Variants in EYA3 observed in about 807,000 individuals in gnomAD.
EYA3 encodes protein phosphatase EYA3.
Under a neutral mutation model 80.0 loss-of-function variants are expected in EYA3, and 39 were observed. That is an observed-to-expected ratio of 0.49 (90% CI 0.38 to 0.64). The LOEUF (loss-of-function observed/expected upper bound fraction) is 0.64. Ranked by LOEUF, EYA3 falls within the 30% of genes least tolerant of loss-of-function variation. EYA3 has a pLI of 0.00. For synonymous variants in EYA3, 206 were observed against 232.8 expected, an observed-to-expected ratio of 0.88 and a Z score of 1.05; for missense variants, 523 against 676.1, an observed-to-expected ratio of 0.77 and a Z score of 2.51.
chr1:28,067,971 A>G (rs955967335), intron 1 of EYA3, among the ~76,000 whole-genome samples: 6 of 152,204 alleles, frequency 3.9e-5, no homozygotes, highest in African/African-American at 1.4e-4. Flanking sequence ...CAGCAGAAAC[A>G]GTGGTGGAAT....
chr1:28,061,551 T>C (rs1644624861), intron 1 of EYA3, among the ~76,000 whole-genome samples: 1 of 152,052 alleles, frequency 6.6e-6, no homozygotes, highest in Non-Finnish European at 1.5e-5. Flanking sequence ...TGTAAAAATC[T>C]TAGTATTAGT....
chr1:28,024,517 C>T (rs1232612913), intron 7 of EYA3, among the ~76,000 whole-genome samples: 10 of 151,836 alleles, frequency 6.6e-5, no homozygotes, highest in East Asian at 1.9e-4. Context: ...ATTAGCTGGG[C>T]GTGGTGGTGG....
chr1:28,016,532 T>TAAA (rs11318124), intron 8 of EYA3, among the ~76,000 whole-genome samples: 16 of 113,922 alleles, frequency 1.4e-4, no homozygotes, highest in African/African-American at 5.5e-4. Context: ...GACTCCATCT[T>TAAA]AAAAAAAAAA....
At chr1:27,993,907 A>T (rs1557538761) in intron 13 of EYA3, among the ~76,000 whole-genome samples, 1 of 152,238 alleles carries the variant, frequency 6.6e-6, no homozygotes, top group African/African-American at 2.4e-5. Flanking sequence ...GTACACTTAC[A>T]CACACAGTGA....
At chr1:27,991,221 G>A (rs1389187159) in intron 14 of EYA3, among the ~76,000 whole-genome samples, 1 of 152,026 alleles carries the variant, frequency 6.6e-6, no homozygotes, top group Non-Finnish European at 1.5e-5. Flanking sequence ...TGAAAAAAAG[G>A]GCCCTAAGAT....
rs1290041269 is a variant in EYA3, at chr1:27,985,256, AAAAAAC to A, written c.1540+3273_1540+3278del. Among the ~76,000 whole-genome samples, 366 of 131,204 alleles carry A rather than the reference AAAAAAC, an allele frequency of 2.8e-3. 2 individuals carry two copies. The highest frequency in any genetic ancestry group is 8.4e-3 in the African/African-American group (332 of 39,434). The allele number at this position is 131,204 out of a possible 152,430, so 86.1% of individuals were successfully genotyped here. A position where few individuals can be genotyped will look rare whatever the true frequency, so the allele number is the denominator to read the frequency against. ...CCACTCCCAGCTAATTAAAAAACAA[AAAAAAC>A]AAAAACAAAAACAACTATGTAGCCC... On this transcript the variant is annotated intron_variant, in intron 16 of 17. Coordinates refer to ENST00000373871, the MANE Select transcript of EYA3 (RefSeq NM_001990.4).
chr1:28,002,161 C>T (rs532984887), intron 11 of EYA3, among the ~76,000 whole-genome samples: 16 of 152,128 alleles, frequency 1.1e-4, no homozygotes, highest in African/African-American at 3.6e-4. Flanking sequence ...CTGATCTGCC[C>T]TCCTCGGCCT....
At chr1:27,995,164 G>A (rs1640351842) in intron 13 of EYA3, among the ~76,000 whole-genome samples, 1 of 151,182 alleles carries the variant, frequency 6.6e-6, no homozygotes, top group Non-Finnish European at 1.5e-5. Context: ...CAGCACTTTG[G>A]GAGGCCAATG....
In EYA3 at chr1:27,973,629, A is replaced by C. The variant is rs1425836669; in HGVS notation, c.*837T>G. The C allele has an allele frequency of 6.6e-6, 1 of 152,150 alleles. No individual in the cohort carries two copies. The highest frequency in any genetic ancestry group is 1.5e-5 in the Non-Finnish European group (1 of 68,048). The allele number at this position is 152,150 out of a possible 1,614,324, so 9.4% of individuals were successfully genotyped here. ...GGAAAAGGGACTGGAAAGAAGACTA[A>C]GGCTTCTAGATGGGAAATGCCAAAG... On this transcript the variant is annotated 3_prime_UTR_variant, in exon 18 of 18. Transcript: ENST00000373871.
intron 4 of EYA3, among the ~76,000 whole-genome samples, chr1:28,039,440 T>C (rs1007364474): frequency 1.3e-5 from 2 of 152,212 alleles, no homozygotes; most frequent in African/African-American, 4.8e-5. Flanking sequence ...TATTATTTTT[T>C]CTGTTTTGTA....
intron 2 of EYA3, among the ~76,000 whole-genome samples, chr1:28,056,349 T>C (rs1644437710): frequency 6.6e-6 from 1 of 152,232 alleles, no homozygotes; most frequent in South Asian, 2.1e-4. Flanking sequence ...TTGCTTTTCC[T>C]GTGGAAACCT....
intron 6 of EYA3, 27 bp downstream of exon 6, chr1:28,035,517 G>A: frequency 6.2e-7 from 1 of 1,600,620 alleles, no homozygotes; most frequent in Non-Finnish European, 8.5e-7. Context: ...AACATTCTTA[G>A]AAATTGTTTA....
chr1:27,977,152 C>A (rs1286281214), intron 17 of EYA3: 4 of 1,426,254 alleles, frequency 2.8e-6, no homozygotes, highest in Non-Finnish European at 3.7e-6. Flanking sequence ...AGTGTCTTTC[C>A]CAAAGAGGGC....
At chr1:28,070,174 G>A (rs977540284) in intron 1 of EYA3, among the ~76,000 whole-genome samples, 2 of 152,110 alleles carry the variant, frequency 1.3e-5, no homozygotes, top group African/African-American at 4.8e-5. Flanking sequence ...TGTTTGCTTG[G>A]TTTTGCTATT....
intron 1 of EYA3, among the ~76,000 whole-genome samples, chr1:28,083,546 T>C (rs1438539629): frequency 2.0e-5 from 3 of 152,084 alleles, no homozygotes; most frequent in Non-Finnish European, 4.4e-5. Flanking sequence ...AGTACCCTTA[T>C]TTCATAGGGT....
intron 13 of EYA3, 126 bp from the exon 14 acceptor site, chr1:27,993,686 ATC>A (rs1240880689): frequency 8.6e-6 from 6 of 694,572 alleles, no homozygotes; most frequent in Admixed American, 3.5e-5. Flanking sequence ...TTCTTCCTTA[ATC>A]TCTGTATGTC....
intron 7 of EYA3, among the ~76,000 whole-genome samples, chr1:28,021,217 T>G (rs559111889): frequency 2.0e-5 from 3 of 152,346 alleles, no homozygotes; most frequent in Admixed American, 2.0e-4. Context: ...AAGCTCTTTA[T>G]CATTTGAGGA....
intron 10 of EYA3, among the ~76,000 whole-genome samples, chr1:28,008,007 G>T (rs1390519014): frequency 6.6e-6 from 1 of 152,162 alleles, no homozygotes; most frequent in East Asian, 1.9e-4. Flanking sequence ...CCAAAACAGT[G>T]TGGTACTAGC....
chr1:28,069,548 TAAAA>T lies in EYA3; in HGVS notation c.-68-11458_-68-11455del, dbSNP rs11323301. Among the ~76,000 whole-genome samples, 9 of 111,580 alleles carry T rather than the reference TAAAA, an allele frequency of 8.1e-5. No individual in the cohort carries two copies. The Admixed American group carries it at 9.3e-4, about 12-fold the overall frequency. 73.2% of individuals were successfully genotyped at this position (111,580 alleles called of 152,430 possible). ...AACACAGCAAGAGACCCAATCTATT[TAAAA>T]AAAAAAAAAAAAGAGAGAGAAGAAG... On this transcript the variant is annotated intron_variant, in intron 1 of 17. Coordinates refer to ENST00000373871, the MANE Select transcript of EYA3 (RefSeq NM_001990.4).
Sources: allele counts gnomAD v4.1 joint callset (sites outside exome capture counted in the v4.1 genomes callset), GRCh38; gene constraint gnomAD v4.1.1; transcripts MANE v1.5; gene names NCBI Gene and HGNC (gene_info 2026-07-23, HGNC 2026-07-21).